The following DACH1 variants were observed in gnomAD, a reference collection of about 807,000 sequenced individuals.
DACH1 encodes the protein dachshund family transcription factor 1, also known as dachshund homolog 1.
In DACH1, 12 loss-of-function variants were observed where a neutral mutation model predicts 54.2. The ratio of observed to expected loss-of-function variants is 0.22; its 90% confidence interval spans 0.14 to 0.36. The LOEUF (loss-of-function observed/expected upper bound fraction) is 0.36, where lower values mean the gene tolerates loss of function less well. Among genes scored for constraint, DACH1 ranks in the 10% least tolerant of loss-of-function variants. The pLI, the probability that DACH1 is intolerant of heterozygous loss-of-function variation, is 1.00. For synonymous variants in DACH1, 386 were observed against 366.2 expected, an observed-to-expected ratio of 1.05 and a Z score of -0.62; for missense variants, 805 against 929.8, an observed-to-expected ratio of 0.87 and a Z score of 1.75.
chr13:71,849,973 T>C (rs1419445528), intron 1 of DACH1, among the ~76,000 whole-genome samples: 1 of 152,216 alleles, frequency 6.6e-6, no homozygotes, highest in Non-Finnish European at 1.5e-5. Flanking sequence ...TCCAGACGTG[T>C]GTACACAAAA....
intron 10 of DACH1, among the ~76,000 whole-genome samples, chr13:71,451,729 C>T (rs1262950153): frequency 5.3e-5 from 8 of 151,994 alleles, no homozygotes; most frequent in Admixed American, 2.6e-4. Context: ...AAATATAGCA[C>T]GTGACCCTAA....
At chr13:71,734,969 TAC>T (rs1231110241) in intron 1 of DACH1, among the ~76,000 whole-genome samples, 2 of 89,928 alleles carry the variant, frequency 2.2e-5, no homozygotes, top group Non-Finnish European at 3.3e-5. Context: ...TATATATATA[TAC>T]ACACACAGGA....
intron 6 of DACH1, among the ~76,000 whole-genome samples, chr13:71,535,434 G>A (rs1357299693): frequency 6.6e-6 from 1 of 151,820 alleles, no homozygotes; most frequent in African/African-American, 2.4e-5. Context: ...CAAAAATAAA[G>A]AGTGATTGTG....
intron 1 of DACH1, among the ~76,000 whole-genome samples, chr13:71,858,815 C>T (rs926815552): frequency 7.3e-5 from 11 of 151,430 alleles, no homozygotes; most frequent in African/African-American, 2.7e-4. Context: ...TAATGTATTC[C>T]AGGTATTGTA....
At chr13:71,504,534 G>A (rs946258591) in intron 6 of DACH1, among the ~76,000 whole-genome samples, 9 of 152,134 alleles carry the variant, frequency 5.9e-5, no homozygotes, top group Non-Finnish European at 4.4e-5. Flanking sequence ...GAAAGGCAGC[G>A]TGGATGAGAT....
At chr13:71,590,262 G>C (rs1162660127) in intron 3 of DACH1, among the ~76,000 whole-genome samples, 4 of 152,030 alleles carry the variant, frequency 2.6e-5, no homozygotes, top group Non-Finnish European at 4.4e-5. Context: ...ATGAATCTAA[G>C]AAGAGGGTCA....
intron 10 of DACH1, 79 bp from the exon 11 acceptor site, chr13:71,440,771 A>G: frequency 8.6e-7 from 1 of 1,161,744 alleles, no homozygotes; most frequent in East Asian, 2.5e-5. Context: ...ATGTAACTTG[A>G]TATAAAATTT....
intron 1 of DACH1, among the ~76,000 whole-genome samples, chr13:71,731,691 T>A (rs1302523186): frequency 1.3e-5 from 2 of 152,180 alleles, no homozygotes; most frequent in Non-Finnish European, 2.9e-5. Context: ...CTGTCAGAAT[T>A]GCTTGAGGTT....
At position 71,440,326 on chromosome 13, in the gene DACH1, C is replaced by A. The variant is rs1396437982; in HGVS notation, c.*329G>T. The stretch of plus-strand genomic sequence containing the variant: ...TTCAGAAGAGGAAAATGGTTCATTC[C>A]ATTAGAAAAAAACAAAGCTAGGTCT... On this transcript the variant is annotated 3_prime_UTR_variant, in exon 11 of 11. Coordinates refer to ENST00000613252, the MANE Select transcript of DACH1 (RefSeq NM_080759.6). 2 of 210,942 alleles carry A rather than the reference C, an allele frequency of 9.5e-6. No individual in the cohort carries two copies. The highest frequency in any genetic ancestry group is 8.9e-5 in the South Asian group (1 of 11,214). The allele number at this position is 210,942 out of a possible 1,614,324, so 13.1% of individuals were successfully genotyped here. A position where few individuals can be genotyped will look rare whatever the true frequency, so the allele number is the denominator to read the frequency against.
At chr13:71,614,572 C>T (rs1875609903) in intron 3 of DACH1, among the ~76,000 whole-genome samples, 1 of 152,166 alleles carries the variant, frequency 6.6e-6, no homozygotes, top group African/African-American at 2.4e-5. Context: ...TAGGGCAGCT[C>T]ATGCCTGGCA....
chr13:71,712,451 G>T (rs1012414451), intron 1 of DACH1, among the ~76,000 whole-genome samples: 1 of 151,986 alleles, frequency 6.6e-6, no homozygotes, highest in Middle Eastern at 3.2e-3. Flanking sequence ...ATATTTTATA[G>T]GCTCAGAGGA....
chr13:71,712,806 C>A (rs906821740), intron 1 of DACH1, among the ~76,000 whole-genome samples: 197 of 151,938 alleles, frequency 1.3e-3, no homozygotes, highest in African/African-American at 3.6e-3. Flanking sequence ...CTTTACCCCC[C>A]AAAAAATCAA....
chr13:71,658,550 C>CA lies in DACH1; in HGVS notation c.964+23244dup, dbSNP rs569865990. 3.8e-3 allele frequency among the ~76,000 whole-genome samples: 581 copies of CA among 151,574 alleles called. 4 individuals are homozygous for CA. Among genetic ancestry groups the CA allele is most frequent in the Non-Finnish European group, 5.8e-3 (394 of 67,884 alleles). On this transcript the variant is annotated intron_variant, in intron 2 of 10. Transcript: ENST00000613252. ...GGGCAATAAGAGCGAAACTCCATCT[C>CA]AAAAAAAAGTAATAAAAAAAGCACT...
chr13:71,757,148 A>G (rs1325033239), intron 1 of DACH1, among the ~76,000 whole-genome samples: 1 of 152,242 alleles, frequency 6.6e-6, no homozygotes, highest in Non-Finnish European at 1.5e-5. Context: ...TGAATAATTA[A>G]TATTATGCCT....
intron 1 of DACH1, among the ~76,000 whole-genome samples, chr13:71,767,287 T>G (rs1466880224): frequency 6.6e-6 from 1 of 152,082 alleles, no homozygotes; most frequent in African/African-American, 2.4e-5. Context: ...AAAACTGTTA[T>G]AAGAATCTAA....
chr13:71,514,280 T>C (rs1275693238), intron 6 of DACH1, among the ~76,000 whole-genome samples: 1 of 151,908 alleles, frequency 6.6e-6, no homozygotes, highest in African/African-American at 2.4e-5. Flanking sequence ...ATCTAAATTA[T>C]AATCTATATT....
chr13:71,663,380 T>C (rs952653852), intron 2 of DACH1, among the ~76,000 whole-genome samples: 3 of 151,770 alleles, frequency 2.0e-5, no homozygotes, highest in African/African-American at 4.8e-5. Flanking sequence ...GAGAAAAAAA[T>C]GCAAAGAGAG....
intron 2 of DACH1, among the ~76,000 whole-genome samples, chr13:71,644,416 C>CT (rs1327201943): frequency 1.3e-5 from 2 of 152,168 alleles, no homozygotes; most frequent in Non-Finnish European, 2.9e-5. Context: ...ACTACATCCA[C>CT]TTTTTCAGCT....
intron 6 of DACH1, among the ~76,000 whole-genome samples, chr13:71,498,362 T>TA (rs1204798665): frequency 1.3e-5 from 2 of 152,240 alleles, no homozygotes; most frequent in East Asian, 3.9e-4. Flanking sequence ...GCTGGAGGAA[T>TA]ACAGACTGCA....
Sources: allele counts gnomAD v4.1 joint callset (sites outside exome capture counted in the v4.1 genomes callset), GRCh38; gene constraint gnomAD v4.1.1; transcripts MANE v1.5; gene names NCBI Gene and HGNC (gene_info 2026-07-23, HGNC 2026-07-21).